DAB2IP: variants seen among roughly 807,000 people sequenced by gnomAD.
The protein encoded by DAB2IP is disabled homolog 2-interacting protein.
In DAB2IP, 28 loss-of-function variants were observed where a neutral mutation model predicts 107.2. The ratio of observed to expected loss-of-function variants is 0.26; its 90% CI spans 0.19 to 0.36. DAB2IP has a LOEUF of 0.36. Among genes scored for constraint, DAB2IP ranks in the 10% least tolerant of loss-of-function variants. The probability of loss-of-function intolerance (pLI) is 1.00; values close to 1 mark genes in which losing one functional copy is unlikely to be tolerated. For missense variants in DAB2IP, 1,400 were observed against 1,644.7 expected (o/e 0.85, Z 2.57); for synonymous variants, 755 against 706.4 (o/e 1.07, Z -1.09).
At position 121,701,069 on chromosome 9, in the gene DAB2IP, C is replaced by A. The variant is rs888886874; in HGVS notation, c.362+1611C>A. On this transcript the variant is annotated intron_variant, in intron 3 of 15. Transcript: ENST00000408936. The surrounding 1 kb of genome is among the most constrained non-coding windows in gnomAD (Gnocchi z 4.7). ...GGAACATGCCCTTCTCCGCGCTTTC[C>A]TTGGCGGGGGTCAGGACCCTCTGCA... Among the ~76,000 whole-genome samples the A allele has an allele frequency of 6.6e-6, 1 of 152,256 alleles. No individual in the cohort carries two copies. Among genetic ancestry groups the A allele is most frequent in the African/African-American group, 2.4e-5 (1 of 41,478 alleles).
chr9:121,746,697 A>T (rs759370298), intron 3 of DAB2IP, among the ~76,000 whole-genome samples: 2 of 152,180 alleles, frequency 1.3e-5, no homozygotes, highest in Non-Finnish European at 2.9e-5. Flanking sequence ...GGCTTCCTGG[A>T]TGTGGAGAGC....
chr9:121,570,602 G>A (rs1367637753), intron 1 of DAB2IP, among the ~76,000 whole-genome samples: 1 of 152,162 alleles, frequency 6.6e-6, no homozygotes, highest in Non-Finnish European at 1.5e-5. Flanking sequence ...AGGCTAGAGT[G>A]CAATGGCATG....
intron 3 of DAB2IP, among the ~76,000 whole-genome samples, chr9:121,726,950 C>T (rs1212083831): frequency 6.6e-6 from 1 of 152,172 alleles, no homozygotes; most frequent in Non-Finnish European, 1.5e-5. Flanking sequence ...GCCAGGAGCT[C>T]AGTTCCCCAC....
At chr9:121,661,803 G>A (rs1315283133) in intron 1 of DAB2IP, among the ~76,000 whole-genome samples, 1 of 152,166 alleles carries the variant, frequency 6.6e-6, no homozygotes, top group East Asian at 1.9e-4. Context: ...GGCAAATAGT[G>A]AGACCCCATC....
intron 1 of DAB2IP, among the ~76,000 whole-genome samples, chr9:121,600,799 C>T (rs1343821311): frequency 6.6e-6 from 1 of 152,188 alleles, no homozygotes; most frequent in African/African-American, 2.4e-5. Context: ...GTTTCCTAAC[C>T]TCTCAGAGCT....
intron 2 of DAB2IP, among the ~76,000 whole-genome samples, chr9:121,680,560 G>A (rs962899926): frequency 4.6e-5 from 7 of 152,102 alleles, no homozygotes; most frequent in Non-Finnish European, 8.8e-5. Context: ...CAGCTGGAGC[G>A]AAGACCAAGT....
intron 14 of DAB2IP, among the ~76,000 whole-genome samples, chr9:121,780,103 C>T (rs187599896): frequency 3.3e-5 from 5 of 152,334 alleles, no homozygotes; most frequent in African/African-American, 1.2e-4. Context: ...CCAGGCTGGT[C>T]TTGAACTCCT....
At chr9:121,706,614 T>C (rs1314225541) in intron 3 of DAB2IP, among the ~76,000 whole-genome samples, 1 of 151,834 alleles carries the variant, frequency 6.6e-6, no homozygotes, top group Non-Finnish European at 1.5e-5. Flanking sequence ...TCAAGAGGAG[T>C]GATTGTACCT....
At chr9:121,675,552 A>C (rs1420324760) in intron 1 of DAB2IP, among the ~76,000 whole-genome samples, 6 of 152,182 alleles carry the variant, frequency 3.9e-5, no homozygotes, top group Non-Finnish European at 2.9e-5. Context: ...TAAGGTTTGC[A>C]TCCTGAGACT....
intron 1 of DAB2IP, among the ~76,000 whole-genome samples, chr9:121,639,608 T>A (rs1307927510): frequency 6.6e-6 from 1 of 152,164 alleles, no homozygotes; most frequent in African/African-American, 2.4e-5. Context: ...GCTGGGGGCC[T>A]CACTGTGGGT....
intron 12 of DAB2IP, 148 bp downstream of exon 12, chr9:121,773,643 A>G: frequency 9.7e-7 from 1 of 1,035,824 alleles, no homozygotes; most frequent in Non-Finnish European, 1.3e-6. Flanking sequence ...ATGCGCCACC[A>G]CCCCCTCCCC....
Position 121,772,462 on chromosome 9 carries a change from AC to A in DAB2IP, c.2079-141del. On this transcript the variant is annotated intron_variant, in intron 11 of 15. Coordinates refer to ENST00000408936, the Ensembl canonical transcript of DAB2IP. This position sits in a 1 kb window ranked among gnomAD's most constrained non-coding sequence, Gnocchi z 4.7. ...GTCCCCGGATTCTCCCACTCCTGCC[AC>A]CCCAGCGCATCCATCTCCCCAGCGC... The A allele has an allele frequency of 1.2e-6, 1 of 845,840 alleles. No homozygotes were observed. The highest frequency in any genetic ancestry group is 1.7e-5 in the South Asian group (1 of 59,302). The allele number at this position is 845,840 out of a possible 1,614,324, so 52.4% of individuals were successfully genotyped here. A position where few individuals can be genotyped will look rare whatever the true frequency, so the allele number is the denominator to read the frequency against.
rs1260837961 is a variant in DAB2IP, at chr9:121,724,357, T to C, written c.362+24899T>C. Among the ~76,000 whole-genome samples the C allele has an allele frequency of 2.0e-5, 3 of 152,056 alleles. No homozygotes were observed. The South Asian group carries it at 6.2e-4, about 32-fold the overall frequency. On this transcript the variant is annotated intron_variant, in intron 3 of 15. Transcript: ENST00000408936. ...TCCTTGTTCCCTCTTCTTCTCTTCC[T>C]GGAACATTCTTTGTTCAGATACCTG...
At chr9:121,575,990 A>G (rs1395756258) in intron 1 of DAB2IP, 3 of 152,186 alleles carry the variant, frequency 2.0e-5, no homozygotes, top group Admixed American at 6.5e-5. Flanking sequence ...AACCAGGCCC[A>G]CTTACGGTCC....
chr9:121,610,877 T>C (rs1441824034), intron 1 of DAB2IP, among the ~76,000 whole-genome samples: 1 of 152,186 alleles, frequency 6.6e-6, no homozygotes, highest in African/African-American at 2.4e-5. Context: ...TTTGTGAATG[T>C]TGATTGTAAT....
At chr9:121,721,647 A>T (rs140422752) in intron 3 of DAB2IP, among the ~76,000 whole-genome samples, 1 of 152,368 alleles carries the variant, frequency 6.6e-6, no homozygotes, top group Non-Finnish European at 1.5e-5. Flanking sequence ...ACATTTTAAA[A>T]TTTCACATCT....
At chr9:121,626,267 A>G (rs1831641927) in intron 1 of DAB2IP, among the ~76,000 whole-genome samples, 2 of 151,930 alleles carry the variant, frequency 1.3e-5, no homozygotes, top group African/African-American at 4.8e-5. Context: ...GCAGAGATAT[A>G]TTCAGGACAC....
In DAB2IP at chr9:121,608,235, C is replaced by T. The variant is rs1472072907; in HGVS notation, c.40+41007C>T. On this transcript the variant is annotated intron_variant, in intron 1 of 16. Coordinates refer to the DAB2IP transcript ENST00000259371. ...TGACGTGGGGAGAGGTTGCACTGCCCGCTTTATAAATGAGCGTGTGGAGGT... is the reference window on the plus strand; with the variant it reads ...TGACGTGGGGAGAGGTTGCACTGCCTGCTTTATAAATGAGCGTGTGGAGGT... 4.6e-5 allele frequency among the ~76,000 whole-genome samples: 7 copies of T among 152,228 alleles called. No homozygotes were observed. In the South Asian group the frequency reaches 6.2e-4, roughly 14 times the overall value.
At chr9:121,604,137 G>T (rs1830787982) in intron 1 of DAB2IP, among the ~76,000 whole-genome samples, 1 of 152,104 alleles carries the variant, frequency 6.6e-6, no homozygotes, top group African/African-American at 2.4e-5. Context: ...GGAGCGTGGG[G>T]GCACTAGGGC....
Sources: allele counts gnomAD v4.1 joint callset (sites outside exome capture counted in the v4.1 genomes callset), GRCh38; gene constraint gnomAD v4.1.1; non-coding constraint Gnocchi (gnomAD v3.1); transcripts MANE v1.5; gene names NCBI Gene and HGNC (gene_info 2026-07-23, HGNC 2026-07-21).